The following ANKS1B variants were observed in gnomAD, a reference collection of about 807,000 sequenced individuals.
The protein encoded by ANKS1B is ankyrin repeat and sterile alpha motif domain-containing protein 1B.
Under a neutral mutation model 148.3 loss-of-function variants are expected in ANKS1B, and 36 were observed. That is an observed-to-expected ratio of 0.24 (90% CI 0.19 to 0.32). The LOEUF (loss-of-function observed/expected upper bound fraction) is 0.32, where lower values mean the gene tolerates loss of function less well. ANKS1B is among the 10% of genes least tolerant of loss of function. ANKS1B has a pLI of 1.00. For synonymous variants in ANKS1B, 542 were observed against 560.8 expected (o/e 0.97, Z 0.47); for missense variants, 1,157 against 1,542.6 (o/e 0.75, Z 4.19).
In ANKS1B at chr12:98,876,688, T is replaced by A. The variant is rs572143970; in HGVS notation, c.2779-44552A>T. ...GGGTTTCTTTTGACAATAGGAAGCATCATCAGAATGGACTAAAATGATCAA... is the reference window on the plus strand; with the variant it reads ...GGGTTTCTTTTGACAATAGGAAGCAACATCAGAATGGACTAAAATGATCAA... On this transcript the variant is annotated intron_variant, in intron 17 of 26. Coordinates refer to ENST00000683438, the MANE Select transcript of ANKS1B (RefSeq NM_001352186.2). Among the ~76,000 whole-genome samples, 11 of 152,286 alleles carry A rather than the reference T, an allele frequency of 7.2e-5. 1 individual carries two copies. Among genetic ancestry groups the A allele is most frequent in the African/African-American group, 2.6e-4 (11 of 41,548 alleles).
intron 1 of ANKS1B, among the ~76,000 whole-genome samples, chr12:99,859,534 T>G (rs1022385580): frequency 6.6e-6 from 1 of 152,232 alleles, no homozygotes; most frequent in Non-Finnish European, 1.5e-5. Context: ...CACTACAGGC[T>G]ACAGTTCTCT....
intron 19 of ANKS1B, among the ~76,000 whole-genome samples, chr12:98,808,876 A>T (rs1172000269): frequency 6.6e-6 from 1 of 152,214 alleles, no homozygotes; most frequent in East Asian, 1.9e-4. Context: ...TAGCATTCAC[A>T]AGCAGTCCGT....
At chr12:99,920,214 T>A (rs61941563) in intron 1 of ANKS1B, among the ~76,000 whole-genome samples, 29,420 of 151,582 alleles carry the variant, frequency 0.19, 3,074 homozygotes, top group Non-Finnish European at 0.24. Flanking sequence ...CTTTAAATGA[T>A]TTATAAAATA....
At chr12:98,933,780 A>T (rs2099815952) in intron 17 of ANKS1B, among the ~76,000 whole-genome samples, 1 of 151,836 alleles carries the variant, frequency 6.6e-6, no homozygotes, top group Non-Finnish European at 1.5e-5. Context: ...ACCTGTTGTC[A>T]TTTGCATGTC....
chr12:98,824,894 T>G (rs1182778119), intron 19 of ANKS1B, among the ~76,000 whole-genome samples: 1 of 152,102 alleles, frequency 6.6e-6, no homozygotes, highest in Non-Finnish European at 1.5e-5. Flanking sequence ...TCAATCAGTT[T>G]CCACTAAACT....
chr12:99,890,315 A>G (rs928823135), intron 1 of ANKS1B, among the ~76,000 whole-genome samples: 8 of 152,134 alleles, frequency 5.3e-5, no homozygotes, highest in Non-Finnish European at 1.2e-4. Context: ...GGCTCATACA[A>G]TCAGTCAAAA....
At position 99,573,526 on chromosome 12, in the gene ANKS1B, A is replaced by G. The variant is rs1309950158; in HGVS notation, c.1273-68885T>C. 2.0e-5 allele frequency among the ~76,000 whole-genome samples: 3 copies of G among 152,094 alleles called. No homozygotes were observed. In the East Asian group the frequency reaches 5.8e-4, roughly 29 times the overall value. The stretch of plus-strand genomic sequence containing the variant: ...CATGATCACTTTCTTTTCTCTCTTT[A>G]TTGTATGTATCTGAAAAATCCTAAC... On this transcript the variant is annotated intron_variant, in intron 9 of 26. Coordinates refer to ENST00000683438, the MANE Select transcript of ANKS1B (RefSeq NM_001352186.2).
chr12:99,421,154 T>G (rs1394108023), intron 11 of ANKS1B, among the ~76,000 whole-genome samples: 1 of 152,190 alleles, frequency 6.6e-6, no homozygotes, highest in Non-Finnish European at 1.5e-5. Context: ...CCCACTGTAA[T>G]ATTTTAGTAT....
chr12:99,852,508 G>A (rs2088075368), intron 1 of ANKS1B, among the ~76,000 whole-genome samples: 1 of 152,138 alleles, frequency 6.6e-6, no homozygotes, highest in Non-Finnish European at 1.5e-5. Context: ...TTAGTTTCCA[G>A]CATTTCTCAG....
intron 17 of ANKS1B, among the ~76,000 whole-genome samples, chr12:98,875,502 G>A (rs1449555921): frequency 6.6e-6 from 1 of 152,076 alleles, no homozygotes. Flanking sequence ...CAGCTCTGTT[G>A]TCTGTTTGCC....
In ANKS1B at chr12:99,916,413, A is replaced by C. The variant is rs143103212; in HGVS notation, c.134+67691T>G. ...TCCCAGTTAGAGTAAGAGCATTTGG[A>C]AGCCAGATAATAAATGGAGCCCTGA... On this transcript the variant is annotated intron_variant, in intron 1 of 26. Coordinates refer to ENST00000683438, the MANE Select transcript of ANKS1B (RefSeq NM_001352186.2). Among the ~76,000 whole-genome samples the C allele has an allele frequency of 8.5e-3, 1,299 of 152,292 alleles. 18 individuals carry two copies. The highest frequency in any genetic ancestry group is 0.03 in the African/African-American group (1,239 of 41,552).
Position 99,832,213 on chromosome 12 carries a change from T to C in ANKS1B, c.135-6824A>G, listed in dbSNP as rs57796764. Among the ~76,000 whole-genome samples the C allele has an allele frequency of 7.9e-3, 1,199 of 152,268 alleles. 16 individuals are homozygous for C. The highest frequency in any genetic ancestry group is 0.027 in the African/African-American group (1,134 of 41,544). On this transcript the variant is annotated intron_variant, in intron 1 of 26. Transcript: ENST00000683438. ...CTCTTAGACCCAACAACTCCACTTT[T>C]CAGGATTGATATCTATGAAATAAAA... is the stretch of plus-strand genomic sequence containing the variant.
chr12:99,254,699 G>A lies in ANKS1B; in HGVS notation c.1757-7835C>T, dbSNP rs549269673. Among the ~76,000 whole-genome samples, 9 of 152,218 alleles carry A rather than the reference G, an allele frequency of 5.9e-5. No individual in the cohort carries two copies. The South Asian group carries it at 1.0e-3, about 18-fold the overall frequency. On this transcript the variant is annotated intron_variant, in intron 12 of 26. Transcript: ENST00000683438. The stretch of plus-strand genomic sequence containing the variant: ...TAAGTTAAATGTCTTATCTTCTAAG[G>A]TTGCTGAGAATTTTAATTGTGACTA...
intron 14 of ANKS1B, among the ~76,000 whole-genome samples, chr12:99,224,371 C>T (rs1319657355): frequency 1.3e-5 from 2 of 152,100 alleles, no homozygotes; most frequent in African/African-American, 2.4e-5. Flanking sequence ...GAGGTAGGGT[C>T]GACTGGGAGG....
At chr12:99,294,891 G>T (rs2080630405) in intron 12 of ANKS1B, among the ~76,000 whole-genome samples, 1 of 152,124 alleles carries the variant, frequency 6.6e-6, no homozygotes, top group African/African-American at 2.4e-5. Context: ...GATTTCAGGT[G>T]ATCTGCCCAC....
At position 98,882,101 on chromosome 12, in the gene ANKS1B, T is replaced by C. The variant is rs561375473; in HGVS notation, c.2779-49965A>G. Among the ~76,000 whole-genome samples the C allele has an allele frequency of 3.9e-5, 6 of 152,246 alleles. No individual in the cohort carries two copies. In the South Asian group the frequency reaches 1.0e-3, roughly 26 times the overall value. ...CTGTTTAAAAATCTGTAACAAGAGA[T>C]ACCATTGCTGATTACATAACATTGG... is the stretch of plus-strand genomic sequence containing the variant. On this transcript the variant is annotated intron_variant, in intron 17 of 26. Coordinates refer to ENST00000683438, the MANE Select transcript of ANKS1B (RefSeq NM_001352186.2).
intron 14 of ANKS1B, among the ~76,000 whole-genome samples, chr12:99,212,182 T>C (rs144932274): frequency 1.1e-4 from 17 of 152,332 alleles, no homozygotes; most frequent in Non-Finnish European, 1.0e-4. Flanking sequence ...GTATCACTCC[T>C]TTGGCCCCAA....
chr12:99,590,520 G>T (rs1567423958), intron 9 of ANKS1B, among the ~76,000 whole-genome samples: 2 of 152,118 alleles, frequency 1.3e-5, no homozygotes, highest in Non-Finnish European at 1.5e-5. Flanking sequence ...CAGCGTACAG[G>T]ATCATAAATA....
In ANKS1B at chr12:99,655,146, G is replaced by C; in HGVS notation, c.1193C>G (p.Thr398Arg). The change falls in exon 9 of 27, where the codon ACG becomes AGG. Residue 398 changes from threonine (T) to arginine (R), a missense_variant. Around this residue, in one of 6 missense-constraint regions of ANKS1B, gnomAD observed 661 missense variants for 642.1 expected, o/e 1.03. Coordinates refer to ENST00000683438, the MANE Select transcript of ANKS1B (RefSeq NM_001352186.2). ...EVEEEDDDEN[T>R]CGPSGLWEAL... is the part of the protein sequence containing the mutation. ...TTCCCAAAGTCCTGATGGCCCACAC[G>C]TATTTTCATCATCATCCTCTTCTTC... 2 of 1,612,656 alleles carry C rather than the reference G, an allele frequency of 1.2e-6. No homozygotes were observed. Among genetic ancestry groups the C allele is most frequent in the Non-Finnish European group, 1.7e-6 (2 of 1,179,106 alleles).
Sources: gnomAD v4.1 joint callset for allele counts (sites outside exome capture counted in the v4.1 genomes callset) on GRCh38, gnomAD v4.1.1 for gene constraint, gnomAD v4.1.1 regional missense constraint, MANE v1.5 for transcripts, NCBI Gene and HGNC (gene_info 2026-07-23, HGNC 2026-07-21) for gene names.